Variants in COCH observed in about 807,000 individuals in gnomAD.
The protein encoded by COCH is coagulation factor C homolog, cochlin (Limulus polyphemus).
In COCH, 40 loss-of-function variants were observed where a neutral mutation model predicts 54.8. The ratio of observed to expected loss-of-function variants is 0.73; its 90% CI spans 0.57 to 0.95. The LOEUF (loss-of-function observed/expected upper bound fraction) is 0.95. Ranked by LOEUF, COCH falls within the 40% of genes least tolerant of loss-of-function variation. COCH has a pLI of 0.00. For missense variants in COCH, 605 were observed against 675.0 expected (o/e 0.90, Z 1.15); for synonymous variants, 256 against 237.9 (o/e 1.08, Z -0.70).
downstream of COCH, among the ~76,000 whole-genome samples, chr14:30,891,174 ACAT>A (rs987745216): frequency 6.6e-6 from 1 of 152,228 alleles, no homozygotes; most frequent in African/African-American, 2.4e-5. Context: ...TTTGTAATTG[ACAT>A]CATTTTTTAC....
At chr14:30,879,563 G>A in intron 6 of COCH, 78 bp downstream of exon 6, 1 of 1,465,846 alleles carries the variant, frequency 6.8e-7, no homozygotes, top group South Asian at 1.1e-5. Flanking sequence ...GTTGGTAGAA[G>A]CTTTTCTTAA....
chr14:30,880,748 T>A lies in COCH; in HGVS notation c.629+14T>A. 6.2e-6 allele frequency: 10 copies of A among 1,600,668 alleles called. No homozygotes were observed. The highest frequency in any genetic ancestry group is 7.7e-6 in the Non-Finnish European group (9 of 1,168,626). On this transcript the variant is annotated intron_variant, in intron 8 of 11. Coordinates refer to ENST00000396618, the MANE Select transcript of COCH (RefSeq NM_004086.3). ...TGTTCAAGCCAGGTACCAACCTTGTTAAAATGGGAGATTTAAAAAAAAAAT... is the reference window on the plus strand; with the variant it reads ...TGTTCAAGCCAGGTACCAACCTTGTAAAAATGGGAGATTTAAAAAAAAAAT...
At chr14:30,888,316 C>T (rs188958804) in intron 11 of COCH, among the ~76,000 whole-genome samples, 379 of 151,786 alleles carry the variant, frequency 2.5e-3, no homozygotes, top group South Asian at 5.4e-3. Context: ...TTCCAAGTAG[C>T]TTTTACATCA....
chr14:30,887,450 A>C (rs1796454417), intron 11 of COCH, among the ~76,000 whole-genome samples: 1 of 152,054 alleles, frequency 6.6e-6, no homozygotes, highest in Admixed American at 6.6e-5. Context: ...GATAATAAAA[A>C]CACACTCTGG....
Position 30,885,163 on chromosome 14 carries a change from G to T in COCH, c.734-231G>T, listed in dbSNP as rs1038804116. 3 of 1,305,520 alleles carry T rather than the reference G, an allele frequency of 2.3e-6. No individual in the cohort carries two copies. The Admixed American group carries it at 6.4e-5, about 28-fold the overall frequency. 80.9% of individuals were successfully genotyped at this position (1,305,520 alleles called of 1,614,324 possible). On this transcript the variant is annotated intron_variant, in intron 9 of 11. Coordinates refer to ENST00000396618, the MANE Select transcript of COCH (RefSeq NM_004086.3). ...AATGTGAGGCTTCTAGGAGGTGGAG[G>T]GGGAACTAATATGGCTTGTGAAGAT...
chr14:30,877,673 T>G lies in COCH; in HGVS notation c.184T>G (p.Tyr62Asp). The change falls in exon 4 of 12, where the codon TAT (tyrosine) becomes GAT (aspartate). Residue 62 changes from tyrosine (Y) to aspartate (D), a missense_variant. By Grantham distance (160) the Tyr-to-Asp change is radical. Transcript: ENST00000396618. This position sits in a 1 kb window ranked among gnomAD's most constrained non-coding sequence, Gnocchi z 8.6. The stretch of plus-strand genomic sequence containing the variant: ...CTGCCCTCTTGAGGAATTCTCTGTG[T>G]ATGGGAACATAGTATATGCTTCTGT... The part of the protein sequence containing the change: ...GGCPLEEFSV[Y>D]GNIVYASVSS... 1 of 1,614,220 alleles carries G rather than the reference T, an allele frequency of 6.2e-7. No homozygotes were observed. The highest frequency in any genetic ancestry group is 8.5e-7 in the Non-Finnish European group (1 of 1,180,036).
chr14:30,877,804 C>T lies in COCH; in HGVS notation c.239+76C>T, dbSNP rs765528993. On this transcript the variant is annotated intron_variant, in intron 4 of 11. Coordinates refer to ENST00000396618, the MANE Select transcript of COCH (RefSeq NM_004086.3). This position sits in a 1 kb window ranked among gnomAD's most constrained non-coding sequence, Gnocchi z 8.6. Reference sequence around the variant, plus strand: ...CTTTCCTGCTTTACCCATCTGGATCCCTTTCCTCCCTGCATTCTTTCTTTT... The same window carrying T: ...CTTTCCTGCTTTACCCATCTGGATCTCTTTCCTCCCTGCATTCTTTCTTTT... 1.9e-6 allele frequency: 3 copies of T among 1,599,520 alleles called. No individual in the cohort carries two copies. The African/African-American group carries it at 4.2e-5, about 22-fold the overall frequency.
At chr14:30,884,838 A>C (rs1895726592) in intron 9 of COCH, 182 bp downstream of exon 9, 1 of 1,436,408 alleles carries the variant, frequency 7.0e-7, no homozygotes, top group African/African-American at 1.4e-5. Context: ...AGTATACCAA[A>C]GTGTTGATAT....
chr14:30,893,784 G>A (rs1191622811), downstream of COCH: 1 of 152,516 alleles, frequency 6.6e-6, no homozygotes, highest in East Asian at 1.9e-4. Context: ...GCATAAAAAT[G>A]AAGGACTCAC....
Position 30,879,494 on chromosome 14 carries a change from T to A in COCH, c.436+9T>A. On this transcript the variant is annotated intron_variant, in intron 6 of 11. Transcript: ENST00000396618. ...AGCACATCCACCAACAGGTATGAACTATGAAACCTATCTCCTAGTTGCCCG... is the reference window on the plus strand; with the variant it reads ...AGCACATCCACCAACAGGTATGAACAATGAAACCTATCTCCTAGTTGCCCG... 7 of 1,613,896 alleles carry A rather than the reference T, an allele frequency of 4.3e-6. No individual in the cohort carries two copies. Among genetic ancestry groups the A allele is most frequent in the Non-Finnish European group, 5.9e-6 (7 of 1,179,774 alleles).
chr14:30,880,291 G>A (rs1196128930), intron 6 of COCH, among the ~76,000 whole-genome samples, 161 bp from the exon 7 acceptor site: 2 of 152,042 alleles, frequency 1.3e-5, no homozygotes, highest in African/African-American at 2.4e-5. Context: ...TTATTTGTTG[G>A]GTCATTGCTT....
In COCH at chr14:30,879,458, G is replaced by A; in HGVS notation, c.409G>A (p.Ala137Thr). 1 of 1,614,064 alleles carries A rather than the reference G, an allele frequency of 6.2e-7. No homozygotes were observed. The highest frequency in any genetic ancestry group is 2.2e-5 in the East Asian group (1 of 44,872). Residue 137 changes from alanine to threonine, a missense_variant, in exon 6 of 12, where the codon GCA becomes ACA. Transcript: ENST00000396618. Reference sequence around the variant, plus strand: ...TAGTACACAGGAGGCCACAGGACAAGCAGTGTCCACAGCACATCCACCAAC... The same window carrying A: ...TAGTACACAGGAGGCCACAGGACAAACAGTGTCCACAGCACATCCACCAAC... ...KSSTQEATGQ[A>T]VSTAHPPTGK...
downstream of COCH, chr14:30,895,269 T>C: frequency 2.4e-6 from 2 of 818,986 alleles, no homozygotes; most frequent in Non-Finnish European, 3.7e-6. Flanking sequence ...TAAGATGTGA[T>C]TTCCACCAAT....
In COCH at chr14:30,885,377, T is replaced by C; in HGVS notation, c.734-17T>C. The stretch of plus-strand genomic sequence containing the variant: ...GCAGTGGTAAAGGCTATTTGTTTGC[T>C]TCTTTTTCAAATTTAGGAAAAGCCT... On this transcript the variant is annotated splice_polypyrimidine_tract_variant and intron_variant, in intron 9 of 11. Coordinates refer to ENST00000396618, the MANE Select transcript of COCH (RefSeq NM_004086.3). The C allele has an allele frequency of 1.9e-6, 3 of 1,597,652 alleles. No individual in the cohort carries two copies. The highest frequency in any genetic ancestry group is 2.6e-6 in the Non-Finnish European group (3 of 1,164,910).
intron 8 of COCH, among the ~76,000 whole-genome samples, chr14:30,882,119 G>GTTTTTTTTTTTTTTTTTTTTTTTTT (rs1566410309): frequency 1.2e-5 from 1 of 84,874 alleles, no homozygotes; most frequent in African/African-American, 6.0e-5. Context: ...ACTATAAAAT[G>GTTTTTTTTTTTTTTTTTTTTTTTTT]GTTTTTTTTT....
At chr14:30,891,862 T>C (rs1422808774), downstream of COCH, among the ~76,000 whole-genome samples, 1 of 152,178 alleles carries the variant, frequency 6.6e-6, no homozygotes, top group East Asian at 1.9e-4. Context: ...GTAAACATAA[T>C]CAGGATAAAG....
downstream of COCH, among the ~76,000 whole-genome samples, chr14:30,892,519 G>C (rs1021449633): frequency 2.6e-5 from 4 of 152,162 alleles, no homozygotes; most frequent in African/African-American, 9.7e-5. Flanking sequence ...AAAAAAACTT[G>C]CTGGGCACGG....
At chr14:30,895,543 G>A (rs1164778081), downstream of COCH, 1 of 1,613,918 alleles carries the variant, frequency 6.2e-7, no homozygotes, top group East Asian at 2.2e-5. Flanking sequence ...CACATGTCTT[G>A]CTGTCTAAAT....
chr14:30,879,078 C>T, intron 5 of COCH, 134 bp downstream of exon 5: 1 of 1,335,414 alleles, frequency 7.5e-7, no homozygotes, highest in Non-Finnish European at 1.1e-6. Flanking sequence ...TAGAGGTAAA[C>T]TGTAGGTTAG....
Sources: gnomAD v4.1 joint callset for allele counts (sites outside exome capture counted in the v4.1 genomes callset) on GRCh38, gnomAD v4.1.1 for gene constraint, Gnocchi (gnomAD v3.1) non-coding constraint, MANE v1.5 for transcripts, NCBI Gene and HGNC (gene_info 2026-07-23, HGNC 2026-07-21) for gene names.